The following LINGO2 variants were observed in gnomAD, a reference collection of about 807,000 sequenced individuals.
LINGO2 encodes the protein leucine rich repeat and Ig domain containing 2, also known as leucine-rich repeat and immunoglobulin-like domain-containing nogo receptor-interacting protein 2.
LINGO2 carries 14 observed loss-of-function variants against 30.6 expected under a neutral mutation model. The observed-to-expected ratio is 0.46, with a 90% CI of 0.30 to 0.72. The LOEUF (loss-of-function observed/expected upper bound fraction) is 0.72. LINGO2 is among the 30% of genes least tolerant of loss of function. LINGO2 has a pLI of 0.07. For synonymous variants in LINGO2, 317 were observed against 288.5 expected (o/e 1.10, Z -1.00); for missense variants, 729 against 751.7 (o/e 0.97, Z 0.35).
chr9:28,378,146 C>T (rs551797401), intron 2 of LINGO2, among the ~76,000 whole-genome samples: 12 of 152,266 alleles, frequency 7.9e-5, no homozygotes, highest in South Asian at 2.1e-4. Context: ...TAAATACAAA[C>T]GCAATTGTAG....
chr9:28,358,959 T>C (rs1224261121), intron 3 of LINGO2, among the ~76,000 whole-genome samples: 1 of 152,158 alleles, frequency 6.6e-6, no homozygotes, highest in Non-Finnish European at 1.5e-5. Context: ...TCATTCTCAT[T>C]AGCTGTTGTC....
At chr9:28,421,377 T>C (rs1051535625) in intron 2 of LINGO2, among the ~76,000 whole-genome samples, 1 of 149,254 alleles carries the variant, frequency 6.7e-6, no homozygotes, top group Non-Finnish European at 1.5e-5. Flanking sequence ...TCTCCAGATT[T>C]AATGCAATAC....
chr9:29,104,939 T>C, the LINGO2 span, among the ~76,000 whole-genome samples: 1 of 152,188 alleles, frequency 6.6e-6, no homozygotes, highest in South Asian at 2.1e-4. Flanking sequence ...AGGGATCTTC[T>C]AGGTTTACAG....
intron 4 of LINGO2, among the ~76,000 whole-genome samples, chr9:28,156,360 A>G (rs1345813322): frequency 1.3e-5 from 2 of 152,198 alleles, no homozygotes; most frequent in Admixed American, 6.5e-5. Flanking sequence ...AGTAGATCCA[A>G]TTAGAATTGT....
the LINGO2 span, among the ~76,000 whole-genome samples, chr9:28,680,047 T>C: frequency 6.6e-6 from 1 of 152,046 alleles, no homozygotes; most frequent in East Asian, 1.9e-4. Flanking sequence ...TTATTGACTA[T>C]GGTCATCACA....
chr9:28,362,251 C>T (rs1006677571), intron 3 of LINGO2, among the ~76,000 whole-genome samples: 10 of 151,634 alleles, frequency 6.6e-5, no homozygotes, highest in Non-Finnish European at 1.2e-4. Context: ...TGTGTGTGCA[C>T]GTGTGTGTGT....
At chr9:29,024,512 A>C in the LINGO2 span, among the ~76,000 whole-genome samples, 1 of 152,138 alleles carries the variant, frequency 6.6e-6, no homozygotes, top group South Asian at 2.1e-4. Context: ...TGACTATAGC[A>C]GCAGGGTCAA....
At chr9:28,320,412 G>A (rs1824996020) in intron 3 of LINGO2, among the ~76,000 whole-genome samples, 1 of 152,280 alleles carries the variant, frequency 6.6e-6, no homozygotes, top group Admixed American at 6.5e-5. Flanking sequence ...TGCACAAATT[G>A]TGAATGATGC....
intron 1 of LINGO2, among the ~76,000 whole-genome samples, chr9:28,500,141 G>T (rs1252564732): frequency 6.6e-6 from 1 of 152,130 alleles, no homozygotes; most frequent in Non-Finnish European, 1.5e-5. Flanking sequence ...ACTCTGAATA[G>T]AGCCACTGTG....
the LINGO2 span, among the ~76,000 whole-genome samples, chr9:28,715,688 A>G: frequency 6.6e-6 from 1 of 152,062 alleles, no homozygotes; most frequent in African/African-American, 2.4e-5. Context: ...TGCCACTGTT[A>G]ATTTAAAATA....
the LINGO2 span, among the ~76,000 whole-genome samples, chr9:28,991,760 A>T: frequency 0.034 from 5,068 of 149,214 alleles, 109 homozygotes; most frequent in Middle Eastern, 0.071. Context: ...ATATCCAGCC[A>T]AACTAAGCTT....
intron 2 of LINGO2, among the ~76,000 whole-genome samples, chr9:28,382,396 T>C (rs1821390629): frequency 6.6e-6 from 1 of 152,146 alleles, no homozygotes. Flanking sequence ...ATTGATAAAC[T>C]ATGTATTAAA....
chr9:28,141,370 C>A (rs62556549), intron 4 of LINGO2, among the ~76,000 whole-genome samples: 10,556 of 152,198 alleles, frequency 0.069, 457 homozygotes, highest in African/African-American at 0.12. Flanking sequence ...ACAAGACTGG[C>A]AGATGCTAGT....
chr9:28,277,921 G>A (rs1823184674), intron 4 of LINGO2, among the ~76,000 whole-genome samples: 1 of 151,444 alleles, frequency 6.6e-6, no homozygotes, highest in African/African-American at 2.4e-5. Flanking sequence ...CGGGCTGAAA[G>A]CTGGGCCTCT....
At chr9:29,152,662 G>A in the LINGO2 span, among the ~76,000 whole-genome samples, 4 of 152,128 alleles carry the variant, frequency 2.6e-5, no homozygotes, top group Non-Finnish European at 5.9e-5. Context: ...AGGAAATGGG[G>A]AAAGGCTGAA....
the LINGO2 span, among the ~76,000 whole-genome samples, chr9:28,994,087 T>C: frequency 4.3e-4 from 65 of 152,056 alleles, 2 homozygotes; most frequent in East Asian, 0.011. Context: ...TGTCCCTGTT[T>C]GCAGATGACA....
the LINGO2 span, among the ~76,000 whole-genome samples, chr9:28,752,778 C>CT: frequency 6.6e-6 from 1 of 151,988 alleles, no homozygotes; most frequent in Non-Finnish European, 1.5e-5. Flanking sequence ...ATTGTTTGGG[C>CT]TTTATACAGA....
At chr9:28,685,175 T>C in the LINGO2 span, among the ~76,000 whole-genome samples, 1 of 152,200 alleles carries the variant, frequency 6.6e-6, no homozygotes. Flanking sequence ...TTTTTTATGA[T>C]TGCATAGTAT....
At chr9:29,038,569 A>G in the LINGO2 span, among the ~76,000 whole-genome samples, 2 of 151,596 alleles carry the variant, frequency 1.3e-5, no homozygotes, top group Non-Finnish European at 2.9e-5. Flanking sequence ...GAAAAATAAA[A>G]TGTATACCCT....
Sources: allele counts gnomAD v4.1 joint callset (sites outside exome capture counted in the v4.1 genomes callset), GRCh38; gene constraint gnomAD v4.1.1; transcripts MANE v1.5; gene names NCBI Gene and HGNC (gene_info 2026-07-23, HGNC 2026-07-21).